Variants in PDE8A observed in about 807,000 individuals in gnomAD.
PDE8A encodes the protein high affinity cAMP-specific and IBMX-insensitive 3',5'-cyclic phosphodiesterase 8A.
Under a neutral mutation model 105.0 loss-of-function variants are expected in PDE8A, and 59 were observed. The ratio of observed to expected loss-of-function variants is 0.56; its 90% confidence interval spans 0.46 to 0.70. The LOEUF is 0.70. Among genes scored for constraint, PDE8A ranks in the 30% least tolerant of loss-of-function variants. The pLI, the probability that PDE8A is intolerant of heterozygous loss-of-function variation, is 0.00. For missense variants in PDE8A, 1,014 were observed against 1,045.9 expected (o/e 0.97, Z 0.42); for synonymous variants, 355 against 371.9 (o/e 0.95, Z 0.52).
In PDE8A at chr15:85,089,367, A is replaced by C. The variant is rs1193030242; in HGVS notation, c.665A>C (p.Glu222Ala). The change falls in exon 7 of 22, where the codon GAA (glutamate) becomes GCA (alanine). Residue 222 changes from glutamate (E) to alanine (A), a missense_variant. By Grantham distance (107) the Glu-to-Ala change is moderately radical (BLOSUM62 -1). Coordinates refer to ENST00000394553, the MANE Select transcript of PDE8A (RefSeq NM_002605.3). The part of the protein sequence containing the change: ...RACNSVFTAL[E>A]NSEDAIEITS... ...TGTAACTCAGTATTCACTGCATTAGAAAACAGTGAAGATGCAATTGAAATT... is the reference window on the plus strand; with the variant it reads ...TGTAACTCAGTATTCACTGCATTAGCAAACAGTGAAGATGCAATTGAAATT... 1.3e-6 allele frequency: 2 copies of C among 1,594,276 alleles called. No individual in the cohort carries two copies. The highest frequency in any genetic ancestry group is 1.7e-6 in the Non-Finnish European group (2 of 1,164,252).
chr15:85,083,288 G>A (rs1294042597), intron 5 of PDE8A, among the ~76,000 whole-genome samples: 1 of 150,268 alleles, frequency 6.7e-6, no homozygotes, highest in Non-Finnish European at 1.5e-5. Context: ...TGCTCTTAAC[G>A]GAAGATGCTG....
chr15:85,028,927 A>G (rs2080564942), intron 1 of PDE8A, among the ~76,000 whole-genome samples: 1 of 152,186 alleles, frequency 6.6e-6, no homozygotes. Flanking sequence ...AAGACTCAGT[A>G]AATATTGAGT....
intron 1 of PDE8A, among the ~76,000 whole-genome samples, chr15:85,053,725 A>G (rs1203639881): frequency 4.6e-5 from 7 of 151,818 alleles, no homozygotes; most frequent in South Asian, 2.1e-4. Context: ...GGGCTGAGAC[A>G]ATGGGGTTTT....
intron 8 of PDE8A, among the ~76,000 whole-genome samples, chr15:85,093,253 A>G (rs2081679119): frequency 6.6e-6 from 1 of 152,202 alleles, no homozygotes; most frequent in Admixed American, 6.5e-5. Flanking sequence ...CGTTTTTCAC[A>G]GTTTTTGGGG....
intron 1 of PDE8A, among the ~76,000 whole-genome samples, chr15:85,054,256 C>T (rs2081023397): frequency 6.6e-6 from 1 of 152,178 alleles, no homozygotes; most frequent in South Asian, 2.1e-4. Flanking sequence ...CGATGTTCAT[C>T]AGGGATATTG....
chr15:85,056,503 C>A (rs996784215), intron 1 of PDE8A, among the ~76,000 whole-genome samples: 1 of 152,028 alleles, frequency 6.6e-6, no homozygotes, highest in Non-Finnish European at 1.5e-5. Context: ...AGGCTTTGTT[C>A]GTTTCTTTTT....
At chr15:85,131,880 G>GT (rs895650591) in intron 20 of PDE8A, among the ~76,000 whole-genome samples, 13 of 152,132 alleles carry the variant, frequency 8.5e-5, no homozygotes, top group African/African-American at 2.9e-4. Context: ...TCAGTTGACA[G>GT]TTTTTTATCT....
At position 85,138,707 on chromosome 15, in the gene PDE8A, A is replaced by G. The variant is rs1203238305; in HGVS notation, c.*804A>G. 2 of 152,268 alleles carry G rather than the reference A, an allele frequency of 1.3e-5. No individual in the cohort carries two copies. The highest frequency in any genetic ancestry group is 2.1e-4 in the South Asian group (1 of 4,830). The allele number at this position is 152,268 out of a possible 1,614,324, so 9.4% of individuals were successfully genotyped here. A position where few individuals can be genotyped will look rare whatever the true frequency, so the allele number is the denominator to read the frequency against. On this transcript the variant is annotated 3_prime_UTR_variant, in exon 22 of 22. Coordinates refer to ENST00000394553, the MANE Select transcript of PDE8A (RefSeq NM_002605.3). ...TGCTAAAGAAGGCTGCTTCTACTGT[A>G]TAGAACCCAGGGCTCTGAAACAGCT...
intron 1 of PDE8A, among the ~76,000 whole-genome samples, chr15:85,048,034 CCT>C (rs1445248469): frequency 6.6e-6 from 1 of 152,048 alleles, no homozygotes; most frequent in Non-Finnish European, 1.5e-5. Flanking sequence ...ATAGATTTTG[CCT>C]CTCATTATAA....
chr15:85,061,260 A>G (rs996693890), intron 1 of PDE8A, among the ~76,000 whole-genome samples: 1 of 150,854 alleles, frequency 6.6e-6, no homozygotes, highest in African/African-American at 2.4e-5. Flanking sequence ...TTGAGATGGC[A>G]TCTTGCTCTG....
At chr15:85,093,637 A>C (rs1245851359) in intron 8 of PDE8A, among the ~76,000 whole-genome samples, 1 of 152,230 alleles carries the variant, frequency 6.6e-6, no homozygotes, top group African/African-American at 2.4e-5. Context: ...CATCTCCACA[A>C]ACCCTGCTGC....
intron 6 of PDE8A, among the ~76,000 whole-genome samples, chr15:85,086,728 A>T (rs2081558838): frequency 6.6e-6 from 1 of 152,012 alleles, no homozygotes; most frequent in South Asian, 2.1e-4. Context: ...AGAACTTCTT[A>T]CTGTTTTTTG....
At chr15:85,116,279 G>T (rs990950069) in intron 16 of PDE8A, 160 bp downstream of exon 16, 12 of 617,400 alleles carry the variant, frequency 1.9e-5, no homozygotes, top group Non-Finnish European at 2.8e-5. Context: ...AGTCACCAGG[G>T]CCTGGGGGAG....
chr15:85,042,108 C>T (rs899088949), intron 1 of PDE8A, among the ~76,000 whole-genome samples: 3 of 151,306 alleles, frequency 2.0e-5, no homozygotes, highest in African/African-American at 4.9e-5. Flanking sequence ...TAGTATAGGC[C>T]AGTTGCTAGT....
intron 1 of PDE8A, among the ~76,000 whole-genome samples, 193 bp downstream of exon 1, chr15:84,982,541 G>C (rs1057390456): frequency 1.3e-5 from 2 of 152,190 alleles, no homozygotes; most frequent in Admixed American, 1.3e-4. Context: ...CCCAGGTCCC[G>C]CGACCCTGAT....
At chr15:84,996,301 C>T (rs1200009458) in intron 1 of PDE8A, among the ~76,000 whole-genome samples, 1 of 152,014 alleles carries the variant, frequency 6.6e-6, no homozygotes, top group Non-Finnish European at 1.5e-5. Flanking sequence ...CCTTAGCCTC[C>T]TGAGTAGCTG....
At chr15:85,017,972 T>C (rs937403030) in intron 1 of PDE8A, among the ~76,000 whole-genome samples, 3 of 151,324 alleles carry the variant, frequency 2.0e-5, no homozygotes, top group Non-Finnish European at 2.9e-5. Context: ...GGATGAGATA[T>C]GCCCAGGATG....
intron 1 of PDE8A, among the ~76,000 whole-genome samples, chr15:85,048,114 C>T (rs766876613): frequency 1.3e-5 from 2 of 152,106 alleles, no homozygotes; most frequent in African/African-American, 4.8e-5. Context: ...TAACTGTAGG[C>T]ATAGTTTGCA....
chr15:85,037,925 C>T lies in PDE8A; in HGVS notation c.187-26445C>T, dbSNP rs115695074. Among the ~76,000 whole-genome samples, 897 of 152,272 alleles carry T rather than the reference C, an allele frequency of 5.9e-3. 7 individuals carry two copies. The highest frequency in any genetic ancestry group is 0.021 in the African/African-American group (857 of 41,560). On this transcript the variant is annotated intron_variant, in intron 1 of 21. Transcript: ENST00000394553. Reference sequence around the variant, plus strand: ...TAGTAGTTGCATAAGTAACTCATTTCCCCTTGTAGATATACAAATTGTAGA... The same window carrying T: ...TAGTAGTTGCATAAGTAACTCATTTTCCCTTGTAGATATACAAATTGTAGA...
Sources: allele counts gnomAD v4.1 joint callset (sites outside exome capture counted in the v4.1 genomes callset), GRCh38; gene constraint gnomAD v4.1.1; transcripts MANE v1.5; gene names NCBI Gene and HGNC (gene_info 2026-07-23, HGNC 2026-07-21).